Variants in NUFIP1 observed in about 807,000 individuals in gnomAD.
NUFIP1 encodes nuclear FMR1 interacting protein 1, also known as FMR1-interacting protein NUFIP1.
In NUFIP1, 38 loss-of-function variants were observed where a neutral mutation model predicts 56.2. The observed-to-expected ratio is 0.68, with a 90% CI of 0.52 to 0.89. The LOEUF is 0.89. Among genes scored for constraint, NUFIP1 ranks in the 40% least tolerant of loss-of-function variants. NUFIP1 has a pLI of 0.00. For missense variants in NUFIP1, 567 were observed against 605.8 expected (o/e 0.94, Z 0.67); for synonymous variants, 215 against 212.4 (o/e 1.01, Z -0.10).
At chr13:44,983,942 A>C (rs1199467790) in intron 1 of NUFIP1, among the ~76,000 whole-genome samples, 2 of 152,158 alleles carry the variant, frequency 1.3e-5, no homozygotes, top group Non-Finnish European at 2.9e-5. Flanking sequence ...GAGCCAAATA[A>C]ATTTCTGTTC....
chr13:44,949,981 A>C (rs1279067424), intron 7 of NUFIP1, 143 bp from the exon 8 acceptor site: 5 of 667,996 alleles, frequency 7.5e-6, no homozygotes, highest in Non-Finnish European at 2.7e-6. Flanking sequence ...AGGGGGCCAG[A>C]AACACTTCCC....
chr13:44,983,731 A>G (rs561499441), intron 1 of NUFIP1, among the ~76,000 whole-genome samples: 2 of 152,280 alleles, frequency 1.3e-5, no homozygotes. Flanking sequence ...CAGCAGGTTG[A>G]GGCTGCAGTG....
chr13:44,944,363 G>A (rs1345810546), intron 8 of NUFIP1, among the ~76,000 whole-genome samples: 1 of 152,158 alleles, frequency 6.6e-6, no homozygotes, highest in East Asian at 1.9e-4. Flanking sequence ...CAGGGATGAA[G>A]TGGAACAGTT....
intron 1 of NUFIP1, among the ~76,000 whole-genome samples, chr13:44,983,207 C>T (rs1480757224): frequency 1.3e-5 from 2 of 151,930 alleles, no homozygotes; most frequent in Non-Finnish European, 2.9e-5. Flanking sequence ...TGCAGTTTCG[C>T]TCTTGTTGGC....
At chr13:44,955,194 T>C (rs1871186196) in intron 7 of NUFIP1, among the ~76,000 whole-genome samples, 1 of 152,148 alleles carries the variant, frequency 6.6e-6, no homozygotes, top group Non-Finnish European at 1.5e-5. Context: ...GTCAGCAGAA[T>C]ACACAAGGAA....
chr13:44,955,954 T>G (rs1303759767), intron 7 of NUFIP1, among the ~76,000 whole-genome samples: 1 of 151,532 alleles, frequency 6.6e-6, no homozygotes, highest in Non-Finnish European at 1.5e-5. Flanking sequence ...CCATCCTGGC[T>G]AACACGGTGA....
chr13:44,968,700 ATTAC>A (rs1871700718), intron 5 of NUFIP1, among the ~76,000 whole-genome samples: 1 of 152,178 alleles, frequency 6.6e-6, no homozygotes, highest in African/African-American at 2.4e-5. Flanking sequence ...AAATTTACTT[ATTAC>A]TTAAGTTTCT....
chr13:44,955,039 AACTG>A (rs1420956126), intron 7 of NUFIP1, among the ~76,000 whole-genome samples: 2 of 152,194 alleles, frequency 1.3e-5, no homozygotes, highest in Non-Finnish European at 2.9e-5. Flanking sequence ...TAGCTGAGAC[AACTG>A]ACTTACTGTT....
chr13:44,959,863 T>C (rs1456629440), intron 6 of NUFIP1, among the ~76,000 whole-genome samples: 1 of 152,134 alleles, frequency 6.6e-6, no homozygotes, highest in Non-Finnish European at 1.5e-5. Context: ...TGTCGTATTA[T>C]CATTAAAGGC....
chr13:44,978,577 T>A (rs1009101445), intron 5 of NUFIP1, among the ~76,000 whole-genome samples: 6 of 152,212 alleles, frequency 3.9e-5, no homozygotes, highest in Non-Finnish European at 8.8e-5. Flanking sequence ...TCTTCCTTAG[T>A]AAGTGTAAAA....
chr13:44,961,425 G>A (rs1298929678), intron 6 of NUFIP1, among the ~76,000 whole-genome samples: 1 of 152,172 alleles, frequency 6.6e-6, no homozygotes, highest in Non-Finnish European at 1.5e-5. Flanking sequence ...TATAAATACA[G>A]TACTTCACAG....
intron 7 of NUFIP1, among the ~76,000 whole-genome samples, chr13:44,956,649 C>G (rs747175322): frequency 1.3e-5 from 2 of 152,158 alleles, no homozygotes; most frequent in Non-Finnish European, 2.9e-5. Flanking sequence ...AAATCCCTCA[C>G]GTGCACAGTT....
chr13:44,953,289 G>C (rs1303864214), intron 7 of NUFIP1, among the ~76,000 whole-genome samples: 2 of 151,754 alleles, frequency 1.3e-5, no homozygotes, highest in African/African-American at 4.8e-5. Context: ...AAATATTTTG[G>C]GGGGAGATAT....
At chr13:44,942,000 C>T (rs1593355204) in intron 9 of NUFIP1, among the ~76,000 whole-genome samples, 3 of 151,758 alleles carry the variant, frequency 2.0e-5, no homozygotes, top group Admixed American at 1.3e-4. Flanking sequence ...CTCCGCCTCC[C>T]GGGTTCAAGC....
At chr13:44,982,612 A>G (rs1184920894) in intron 1 of NUFIP1, among the ~76,000 whole-genome samples, 1 of 151,794 alleles carries the variant, frequency 6.6e-6, no homozygotes, top group African/African-American at 2.4e-5. Flanking sequence ...GATTACTCCT[A>G]TATTGTCTTC....
chr13:44,979,750 T>C (rs1566064259), intron 4 of NUFIP1, 140 bp downstream of exon 4: 6 of 574,994 alleles, frequency 1.0e-5, no homozygotes, highest in South Asian at 8.6e-5. Flanking sequence ...GAGGAAAAAG[T>C]TGAATAAATG....
intron 8 of NUFIP1, among the ~76,000 whole-genome samples, chr13:44,949,179 C>G (rs987587262): frequency 2.7e-5 from 4 of 149,568 alleles, no homozygotes; most frequent in African/African-American, 9.8e-5. Flanking sequence ...CTTTTCCTTC[C>G]TATTCTTTCA....
chr13:44,969,865 G>C lies in NUFIP1; in HGVS notation c.735-3929C>G, dbSNP rs571656302. Among the ~76,000 whole-genome samples, 8 of 152,188 alleles carry C rather than the reference G, an allele frequency of 5.3e-5. No individual in the cohort carries two copies. The East Asian group carries it at 9.6e-4, about 18-fold the overall frequency. ...CCCTCTGCCTGTTCTATAAAACATA[G>C]TTACTCTTCCCACTCTCATTAAACC... On this transcript the variant is annotated intron_variant, in intron 5 of 9. Transcript: ENST00000379161.
chr13:44,974,467 G>C (rs1216965222), intron 5 of NUFIP1, among the ~76,000 whole-genome samples: 2 of 152,218 alleles, frequency 1.3e-5, no homozygotes, highest in African/African-American at 4.8e-5. Context: ...GATGGAAAGA[G>C]GAGTATGTCC....
Sources: gnomAD v4.1 joint callset for allele counts (sites outside exome capture counted in the v4.1 genomes callset) on GRCh38, gnomAD v4.1.1 for gene constraint, MANE v1.5 for transcripts, NCBI Gene and HGNC (gene_info 2026-07-23, HGNC 2026-07-21) for gene names.